STAG1: variants seen among roughly 807,000 people sequenced by gnomAD.
STAG1 encodes STAG1 cohesin complex component.
In STAG1, 26 loss-of-function variants were observed where a neutral mutation model predicts 170.9. The observed-to-expected ratio is 0.15, with a 90% CI of 0.11 to 0.21. STAG1 has a LOEUF of 0.21. Ranked by LOEUF, STAG1 falls within the 10% of genes least tolerant of loss-of-function variation. STAG1 has a pLI of 1.00. For synonymous variants in STAG1, 514 were observed against 497.7 expected (o/e 1.03, Z -0.44); for missense variants, 964 against 1,509.5 (o/e 0.64, Z 5.99).
At chr3:136,703,510 G>A (rs1342818618) in intron 1 of STAG1, among the ~76,000 whole-genome samples, 2 of 152,198 alleles carry the variant, frequency 1.3e-5, no homozygotes. Flanking sequence ...GTGATTTATT[G>A]AGCGGCATTG....
At chr3:136,723,311 C>T (rs1213627951) in intron 1 of STAG1, among the ~76,000 whole-genome samples, 3 of 151,080 alleles carry the variant, frequency 2.0e-5, no homozygotes, top group Non-Finnish European at 4.4e-5. Context: ...GGCCGCCCAT[C>T]GTCTGAGATG....
chr3:136,396,520 CTTT>C (rs146270857), intron 22 of STAG1, among the ~76,000 whole-genome samples: 11 of 43,656 alleles, frequency 2.5e-4, no homozygotes, highest in East Asian at 8.8e-4. Context: ...CGCGCCTGGC[CTTT>C]TTTTTTTTTT....
At chr3:136,576,189 G>C (rs1052894926) in intron 4 of STAG1, among the ~76,000 whole-genome samples, 2 of 152,158 alleles carry the variant, frequency 1.3e-5, no homozygotes, top group Admixed American at 1.3e-4. Context: ...CTGAATCTAT[G>C]TTAGCACTAA....
chr3:136,498,387 G>A (rs552494704), intron 9 of STAG1, among the ~76,000 whole-genome samples: 1 of 146,332 alleles, frequency 6.8e-6, no homozygotes, highest in Non-Finnish European at 1.5e-5. Flanking sequence ...AGCCAGATCC[G>A]CCCACAAAAA....
intron 15 of STAG1, among the ~76,000 whole-genome samples, chr3:136,434,354 A>G (rs1411587794): frequency 1.3e-5 from 2 of 152,178 alleles, no homozygotes; most frequent in Non-Finnish European, 2.9e-5. Context: ...TGAACACTAG[A>G]TGTTATAAAC....
chr3:136,608,466 G>C (rs527277121), intron 3 of STAG1, among the ~76,000 whole-genome samples: 1 of 151,010 alleles, frequency 6.6e-6, no homozygotes, highest in African/African-American at 2.4e-5. Context: ...GGGAGGCAGA[G>C]TCTGCAGTGA....
chr3:136,746,953 G>A (rs1239800546), intron 1 of STAG1, among the ~76,000 whole-genome samples: 1 of 151,920 alleles, frequency 6.6e-6, no homozygotes, highest in Non-Finnish European at 1.5e-5. Context: ...AAAATTAGTT[G>A]GGTGTGGTGG....
At chr3:136,362,547 C>T (rs1379462501) in intron 26 of STAG1, among the ~76,000 whole-genome samples, 2 of 138,724 alleles carry the variant, frequency 1.4e-5, no homozygotes, top group Non-Finnish European at 3.0e-5. Flanking sequence ...GTAGGTGGAT[C>T]ACTTGAGGCC....
intron 6 of STAG1, among the ~76,000 whole-genome samples, chr3:136,523,222 C>T (rs1324261548): frequency 2.0e-5 from 3 of 152,204 alleles, no homozygotes; most frequent in Non-Finnish European, 2.9e-5. Context: ...CCATCCTCTT[C>T]AGTACCTGTC....
chr3:136,524,641 G>C (rs1188324625), intron 6 of STAG1, among the ~76,000 whole-genome samples: 3 of 152,166 alleles, frequency 2.0e-5, no homozygotes, highest in Non-Finnish European at 4.4e-5. Flanking sequence ...TGTTGAATAG[G>C]AGTGGTGAGA....
chr3:136,404,725 T>C (rs2087426868), intron 21 of STAG1, among the ~76,000 whole-genome samples: 1 of 152,206 alleles, frequency 6.6e-6, no homozygotes, highest in African/African-American at 2.4e-5. Flanking sequence ...TAATGACAGA[T>C]ATCACACATC....
intron 2 of STAG1, among the ~76,000 whole-genome samples, chr3:136,625,971 T>C (rs1005141594): frequency 6.6e-6 from 1 of 151,776 alleles, no homozygotes. Context: ...GAGAATCGCT[T>C]GAACCCGGGA....
intron 29 of STAG1, among the ~76,000 whole-genome samples, chr3:136,348,058 G>A (rs1199869713): frequency 1.3e-5 from 2 of 152,110 alleles, no homozygotes; most frequent in Non-Finnish European, 2.9e-5. Flanking sequence ...ACAGATTTTA[G>A]CAAAACCTTT....
rs543408955 is a variant in STAG1 at position 136,456,941 on chromosome 3, T to C, written c.1314-4794A>G. Among the ~76,000 whole-genome samples, 13 of 152,264 alleles carry C rather than the reference T, an allele frequency of 8.5e-5. No individual in the cohort carries two copies. In the South Asian group the frequency reaches 2.7e-3, roughly 32 times the overall value. On this transcript the variant is annotated intron_variant, in intron 13 of 33. Transcript: ENST00000383202. Reference sequence around the variant, plus strand: ...TCAAACATGAAAGACAGATAAAGACTTTCCCAGACAAATAGAAGCTGAGGG... The same window carrying C: ...TCAAACATGAAAGACAGATAAAGACCTTCCCAGACAAATAGAAGCTGAGGG...
intron 22 of STAG1, among the ~76,000 whole-genome samples, chr3:136,398,374 T>C (rs1156986556): frequency 1.3e-5 from 2 of 152,164 alleles, no homozygotes; most frequent in Non-Finnish European, 2.9e-5. Context: ...TACCTCGGCC[T>C]CCCAAAGTGC....
At chr3:136,442,027 GTC>G (rs1177387490) in intron 15 of STAG1, among the ~76,000 whole-genome samples, 13 of 152,186 alleles carry the variant, frequency 8.5e-5, no homozygotes, top group Non-Finnish European at 1.8e-4. Context: ...GTGAAATCCT[GTC>G]TCTAATAAAA....
intron 9 of STAG1, among the ~76,000 whole-genome samples, chr3:136,491,932 G>T (rs2090132372): frequency 6.6e-6 from 1 of 152,210 alleles, no homozygotes; most frequent in Non-Finnish European, 1.5e-5. Context: ...GCGGGGGCTG[G>T]AATCAGCCCA....
chr3:136,422,451 C>T lies in STAG1; in HGVS notation c.1996G>A (p.Val666Ile). 1.2e-6 allele frequency: 2 copies of T among 1,614,034 alleles called. No homozygotes were observed. Among genetic ancestry groups the T allele is most frequent in the Non-Finnish European group, 8.5e-7 (1 of 1,179,978 alleles). ...TCCACAGAATGATTGAATCGATCTACAAACTCATCAATCAGCTGGCTTCGA... is the reference window on the plus strand; with the variant it reads ...TCCACAGAATGATTGAATCGATCTATAAACTCATCAATCAGCTGGCTTCGA... ...IARSQLIDEF[V>I]DRFNHSVEDL... Residue 666 changes from valine (V) to isoleucine (I), a missense_variant, in exon 19 of 34, where the codon GTA becomes ATA. Val to Ile is a conservative substitution (Grantham distance 29). Around this residue, in one of 11 missense-constraint regions of STAG1, gnomAD observed 232 missense variants for 313.0 expected, o/e 0.74. Coordinates refer to ENST00000383202, the MANE Select transcript of STAG1 (RefSeq NM_005862.3).
intron 13 of STAG1, among the ~76,000 whole-genome samples, chr3:136,457,421 C>T (rs1466806191): frequency 2.0e-5 from 3 of 152,160 alleles, no homozygotes; most frequent in African/African-American, 4.8e-5. Context: ...TCTACCCCTA[C>T]GTCCTCATGT....
Sources: gnomAD v4.1 joint callset for allele counts (sites outside exome capture counted in the v4.1 genomes callset) on GRCh38, gnomAD v4.1.1 for gene constraint, gnomAD v4.1.1 regional missense constraint, MANE v1.5 for transcripts, NCBI Gene and HGNC (gene_info 2026-07-23, HGNC 2026-07-21) for gene names.